Variants in NDST1 observed in about 807,000 individuals in gnomAD.
NDST1 encodes N-deacetylase and N-sulfotransferase 1.
In NDST1, 35 loss-of-function variants were observed where a neutral mutation model predicts 92.8. The observed-to-expected ratio is 0.38, with a 90% CI of 0.29 to 0.50. The LOEUF (loss-of-function observed/expected upper bound fraction) is 0.50. NDST1 is among the 20% of genes least tolerant of loss of function. The probability of loss-of-function intolerance (pLI) is 0.94; values close to 1 mark genes in which losing one functional copy is unlikely to be tolerated. For synonymous variants in NDST1, 493 were observed against 500.3 expected (o/e 0.99, Z 0.19); for missense variants, 822 against 1,182.7 (o/e 0.69, Z 4.47).
intron 6 of NDST1, among the ~76,000 whole-genome samples, chr5:150,536,921 A>G (rs1303073907): frequency 6.6e-6 from 1 of 152,248 alleles, no homozygotes; most frequent in African/African-American, 2.4e-5. Context: ...GAACGGAGGA[A>G]AGTTCCTGCC....
rs373299288 is a variant in NDST1, at chr5:150,538,721, A to G, written c.1438-507A>G. On this transcript the variant is annotated intron_variant, in intron 6 of 14. Coordinates refer to ENST00000261797, the MANE Select transcript of NDST1 (RefSeq NM_001543.5). ...GCACCAGGCCCTCGTGCTGAACTCCAGGCACTCCTTTAGGTCCTCAACCCT... is the reference window on the plus strand; with the variant it reads ...GCACCAGGCCCTCGTGCTGAACTCCGGGCACTCCTTTAGGTCCTCAACCCT... Among the ~76,000 whole-genome samples the G allele has an allele frequency of 2.0e-4, 30 of 152,220 alleles. No homozygotes were observed. The East Asian group carries it at 3.7e-3, about 19-fold the overall frequency.
At chr5:150,529,190 G>C (rs1194873277) in intron 3 of NDST1, among the ~76,000 whole-genome samples, 1 of 152,024 alleles carries the variant, frequency 6.6e-6, no homozygotes, top group Non-Finnish European at 1.5e-5. Context: ...CCAGGAGTTT[G>C]AGACCAGCTT....
At position 150,554,870 on chromosome 5, in the gene NDST1, A is replaced by T. The variant is rs182489311; in HGVS notation, c.*1538A>T. On this transcript the variant is annotated 3_prime_UTR_variant, in exon 15 of 15. Coordinates refer to ENST00000261797, the MANE Select transcript of NDST1 (RefSeq NM_001543.5). ...TGCTCCTACCCCACCCCATTTAACA[A>T]TGTGAAGTGACTGAGGCTGGGGTGC... The T allele has an allele frequency of 6.6e-6, 1 of 152,622 alleles. No homozygotes were observed. The highest frequency in any genetic ancestry group is 1.5e-5 in the Non-Finnish European group (1 of 68,102). The allele number at this position is 152,622 out of a possible 1,614,324, so 9.5% of individuals were successfully genotyped here.
intron 13 of NDST1, 82 bp downstream of exon 13, chr5:150,549,869 T>C: frequency 1.2e-6 from 1 of 831,600 alleles, no homozygotes; most frequent in Non-Finnish European, 2.1e-6. Context: ...TGAATAATTA[T>C]GAGAGAGAGA....
Position 150,556,124 on chromosome 5 carries a change from C to T in NDST1, c.*2792C>T, listed in dbSNP as rs1240844678. The stretch of plus-strand genomic sequence containing the variant: ...GCCAGCGAGGCCAGTCTTCAATGTC[C>T]ACTAATTCACTCTAAGCATTTGGCC... On this transcript the variant is annotated 3_prime_UTR_variant, in exon 15 of 15. Transcript: ENST00000261797. The T allele has an allele frequency of 6.6e-6, 1 of 152,194 alleles. No individual in the cohort carries two copies. Among genetic ancestry groups the T allele is most frequent in the African/African-American group, 2.4e-5 (1 of 41,426 alleles). The allele number at this position is 152,194 out of a possible 1,614,324, so 9.4% of individuals were successfully genotyped here.
At position 150,521,768 on chromosome 5, in the gene NDST1, G is replaced by A. The variant is rs1754245167; in HGVS notation, c.513+1G>A. On this transcript the variant is annotated splice_donor_variant, in intron 2 of 14. Coordinates refer to ENST00000261797, the MANE Select transcript of NDST1 (RefSeq NM_001543.5). LOFTEE classifies it high-confidence loss of function. This position sits in a 1 kb window ranked among gnomAD's most constrained non-coding sequence, Gnocchi z 5.9. ...CGTGGGCATCATTGGCTTCTTCAAG[G>A]TACACAAGAAGCAGGGTCCCCGAGC... 1 of 1,612,932 alleles carries A rather than the reference G, an allele frequency of 6.2e-7. No homozygotes were observed. The highest frequency in any genetic ancestry group is 8.5e-7 in the Non-Finnish European group (1 of 1,180,030).
rs764803357 is a variant in NDST1, at chr5:150,539,215, AC to A, written c.1438-8del. ...GAAGGCACCATAGCTCCTCTCCCCC[AC>A]CCCCTCCTCAGGTTCTCCCACGGCA... is the stretch of plus-strand genomic sequence containing the variant. On this transcript the variant is annotated splice_polypyrimidine_tract_variant and intron_variant, in intron 6 of 14. Transcript: ENST00000261797. The A allele has an allele frequency of 3.2e-6, 5 of 1,584,606 alleles. No individual in the cohort carries two copies. The Middle Eastern group carries it at 5.0e-4, about 158-fold the overall frequency.
At position 150,528,320 on chromosome 5, in the gene NDST1, C is replaced by T. The variant is rs183486894; in HGVS notation, c.1008+22C>T. The T allele has an allele frequency of 2.8e-3, 4,344 of 1,563,598 alleles. 7 individuals carry two copies. The highest frequency in any genetic ancestry group is 3.5e-3 in the Non-Finnish European group (4,057 of 1,148,746). On this transcript the variant is annotated intron_variant, in intron 3 of 14. Coordinates refer to ENST00000261797, the MANE Select transcript of NDST1 (RefSeq NM_001543.5). ...GAAGGTATGGCCGGGGGTGCTAGAC[C>T]GGGCAAGGCAGGTGGGGCCTGGCAA...
chr5:150,510,751 A>G (rs1174618505), intron 1 of NDST1, among the ~76,000 whole-genome samples: 1 of 152,206 alleles, frequency 6.6e-6, no homozygotes, highest in Non-Finnish European at 1.5e-5. Flanking sequence ...CAAGTTGAGA[A>G]CCAGGGAGTG....
chr5:150,545,068 A>G (rs897513078), intron 10 of NDST1, among the ~76,000 whole-genome samples: 3 of 152,192 alleles, frequency 2.0e-5, no homozygotes, highest in African/African-American at 4.8e-5. Flanking sequence ...CGCACCCACA[A>G]GTCTTCAGAT....
At chr5:150,523,545 A>G (rs1754334853) in intron 2 of NDST1, among the ~76,000 whole-genome samples, 1 of 152,240 alleles carries the variant, frequency 6.6e-6, no homozygotes, top group Non-Finnish European at 1.5e-5. Context: ...TGATGAGTAT[A>G]GGTCTGGGAT....
chr5:150,538,945 G>A (rs770843204), intron 6 of NDST1, among the ~76,000 whole-genome samples: 14 of 152,242 alleles, frequency 9.2e-5, no homozygotes, highest in Admixed American at 5.2e-4. Flanking sequence ...GGCAGGGGCC[G>A]TGGCTGCAGC....
chr5:150,548,816 C>A (rs1289392688), intron 12 of NDST1, among the ~76,000 whole-genome samples: 2 of 152,056 alleles, frequency 1.3e-5, no homozygotes, highest in Non-Finnish European at 2.9e-5. Flanking sequence ...CAGGCATGAG[C>A]CACTGCACCT....
In NDST1 at chr5:150,512,342, G is replaced by T. The variant is rs73272673; in HGVS notation, c.-388+4116G>T. 9.5e-3 allele frequency among the ~76,000 whole-genome samples: 1,443 copies of T among 152,258 alleles called. 24 individuals carry two copies. The highest frequency in any genetic ancestry group is 0.032 in the African/African-American group (1,347 of 41,512). On this transcript the variant is annotated intron_variant, in intron 1 of 14. Coordinates refer to ENST00000261797, the MANE Select transcript of NDST1 (RefSeq NM_001543.5). The stretch of plus-strand genomic sequence containing the variant: ...AATGTGGGCTGGGTGAGCATTCAAG[G>T]CCCTGGGCACCTTCCCCCATTCACT...
At chr5:150,524,812 C>T (rs1754396773) in intron 2 of NDST1, among the ~76,000 whole-genome samples, 2 of 152,192 alleles carry the variant, frequency 1.3e-5, no homozygotes, top group Non-Finnish European at 2.9e-5. Flanking sequence ...TAAGCATTTC[C>T]TTTGAGCATG....
In NDST1 at chr5:150,521,568, A is replaced by G; in HGVS notation, c.314A>G (p.Glu105Gly). The G allele has an allele frequency of 9.9e-6, 16 of 1,613,992 alleles. No homozygotes were observed. Among genetic ancestry groups the G allele is most frequent in the Non-Finnish European group, 1.4e-5 (16 of 1,180,028 alleles). ...GGCCAGGAGGTGGTGGCCATCCTGG[A>G]GTCCAGCCGCTTCAAATACCGCACA... ...QLGQEVVAIL[E>G]SSRFKYRTEI... is the part of the protein sequence containing the mutation. The change falls in exon 2 of 15, where the codon GAG becomes GGG. Residue 105 changes from glutamate (E) to glycine (G), a missense_variant. Physicochemically the swap from Glu to Gly is moderately conservative, Grantham distance 98 (BLOSUM62 -2). Transcript: ENST00000261797. The surrounding 1 kb of genome is among the most constrained non-coding windows in gnomAD (Gnocchi z 5.9).
intron 7 of NDST1, chr5:150,539,774 C>G (rs1755161711): frequency 2.0e-6 from 2 of 985,272 alleles, no homozygotes; most frequent in Non-Finnish European, 2.4e-6. Flanking sequence ...TGTTATTCAG[C>G]TCTGTGGGCT....
upstream of NDST1, among the ~76,000 whole-genome samples, chr5:150,507,421 G>A (rs1294957088): frequency 3.3e-5 from 5 of 152,218 alleles, no homozygotes; most frequent in Non-Finnish European, 7.3e-5. Flanking sequence ...GGCCAGCCTG[G>A]CCCTTTTCCA....
Position 150,521,592 on chromosome 5 carries a change from C to T in NDST1, c.338C>T (p.Thr113Ile). ...GAGTCCAGCCGCTTCAAATACCGCACAGAGATTGCGCCGGGCAAGGGTGAC... is the reference window on the plus strand; with the variant it reads ...GAGTCCAGCCGCTTCAAATACCGCATAGAGATTGCGCCGGGCAAGGGTGAC... ...ILESSRFKYR[T>I]EIAPGKGDMP... is the part of the protein sequence containing the mutation. The change falls in exon 2 of 15, where the codon ACA becomes ATA. Residue 113 changes from threonine (T) to isoleucine (I), a missense_variant. Coordinates refer to ENST00000261797, the MANE Select transcript of NDST1 (RefSeq NM_001543.5). The surrounding 1 kb of genome is among the most constrained non-coding windows in gnomAD (Gnocchi z 5.9). The T allele has an allele frequency of 5.6e-6, 9 of 1,614,064 alleles. No individual in the cohort carries two copies. Among genetic ancestry groups the T allele is most frequent in the Non-Finnish European group, 7.6e-6 (9 of 1,180,034 alleles).
Sources: allele counts gnomAD v4.1 joint callset (sites outside exome capture counted in the v4.1 genomes callset), GRCh38; gene constraint gnomAD v4.1.1; non-coding constraint Gnocchi (gnomAD v3.1); transcripts MANE v1.5; gene names NCBI Gene and HGNC (gene_info 2026-07-23, HGNC 2026-07-21).